The following PLXDC2 variants were observed in gnomAD, a reference collection of about 807,000 sequenced individuals.
PLXDC2 encodes plexin domain containing 2.
In PLXDC2, 40 loss-of-function variants were observed where a neutral mutation model predicts 68.9. The ratio of observed to expected loss-of-function variants is 0.58; its 90% confidence interval spans 0.45 to 0.76. PLXDC2 has a LOEUF of 0.76. Ranked by LOEUF, PLXDC2 falls within the 30% of genes least tolerant of loss-of-function variation. The pLI is 0.00. For synonymous variants in PLXDC2, 243 were observed against 234.2 expected (o/e 1.04, Z -0.34); for missense variants, 644 against 661.9 (o/e 0.97, Z 0.30).
In PLXDC2 at chr10:20,284,983, C is replaced by G. The variant is rs1836133248; in HGVS notation, c.*5164C>G. ...TTTCTCCTCTCTCCACCCCTGCCCC[C>G]ATCTGTGGCCATCTAAGTTAGCAAT... On this transcript the variant is annotated 3_prime_UTR_variant, in exon 14 of 14. Coordinates refer to ENST00000377252, the MANE Select transcript of PLXDC2 (RefSeq NM_032812.9). The G allele has an allele frequency of 6.6e-6, 1 of 152,146 alleles. No homozygotes were observed. The highest frequency in any genetic ancestry group is 1.5e-5 in the Non-Finnish European group (1 of 68,036). 9.4% of individuals were successfully genotyped at this position (152,146 alleles called of 1,614,324 possible).
chr10:20,167,084 G>A (rs1349401387), intron 7 of PLXDC2, among the ~76,000 whole-genome samples: 1 of 151,854 alleles, frequency 6.6e-6, no homozygotes, highest in Admixed American at 6.6e-5. Flanking sequence ...TCCATCCTGA[G>A]AAAATTAGCC....
chr10:20,253,370 GATAATAATAATA>G (rs3051539), intron 13 of PLXDC2, among the ~76,000 whole-genome samples: 9 of 145,576 alleles, frequency 6.2e-5, no homozygotes, highest in African/African-American at 1.8e-4. Flanking sequence ...GTCTCAAAAT[GATAATAATAATA>G]ATAATAATAA....
At chr10:19,976,949 C>T (rs996835851) in intron 1 of PLXDC2, among the ~76,000 whole-genome samples, 1 of 149,724 alleles carries the variant, frequency 6.7e-6, no homozygotes, top group African/African-American at 2.5e-5. Flanking sequence ...GGAGTTATTT[C>T]CTCCTATTTT....
At chr10:20,043,708 T>C (rs1254332719) in intron 2 of PLXDC2, among the ~76,000 whole-genome samples, 1 of 152,124 alleles carries the variant, frequency 6.6e-6, no homozygotes, top group African/African-American at 2.4e-5. Flanking sequence ...GTAATAATAC[T>C]GTCAATAGGG....
At chr10:20,045,840 C>T (rs952550444) in intron 2 of PLXDC2, among the ~76,000 whole-genome samples, 2 of 152,106 alleles carry the variant, frequency 1.3e-5, no homozygotes, top group Non-Finnish European at 2.9e-5. Context: ...ACTAACTCCT[C>T]AAATTGATTT....
intron 4 of PLXDC2, among the ~76,000 whole-genome samples, chr10:20,090,862 A>G (rs1054958956): frequency 4.6e-5 from 7 of 152,192 alleles, no homozygotes; most frequent in African/African-American, 1.7e-4. Context: ...CTTTTAAACA[A>G]TATCATTAGT....
chr10:20,041,030 A>G lies in PLXDC2; in HGVS notation c.325-5839A>G, dbSNP rs1835672659. ...TTCTGATTTATAACCATAATAATGAAATGGTCATTTTTCCCTTTACATAAT... is the reference window on the plus strand; with the variant it reads ...TTCTGATTTATAACCATAATAATGAGATGGTCATTTTTCCCTTTACATAAT... On this transcript the variant is annotated intron_variant, in intron 2 of 13. Transcript: ENST00000377252. 2.6e-5 allele frequency among the ~76,000 whole-genome samples: 4 copies of G among 152,212 alleles called. No individual in the cohort carries two copies. The South Asian group carries it at 8.3e-4, about 32-fold the overall frequency.
At chr10:19,822,750 A>T (rs1836493980) in intron 1 of PLXDC2, among the ~76,000 whole-genome samples, 2 of 152,162 alleles carry the variant, frequency 1.3e-5, no homozygotes, top group African/African-American at 4.8e-5. Context: ...GGACCATGTC[A>T]TATGCCTGTT....
intron 4 of PLXDC2, among the ~76,000 whole-genome samples, chr10:20,093,674 G>T (rs1833310804): frequency 6.6e-6 from 1 of 152,102 alleles, no homozygotes; most frequent in Non-Finnish European, 1.5e-5. Context: ...AGTTTATCTT[G>T]TATTTATTTA....
At chr10:19,910,168 T>TTATA (rs3043811) in intron 1 of PLXDC2, among the ~76,000 whole-genome samples, 2,120 of 145,196 alleles carry the variant, frequency 0.015, 16 homozygotes, top group African/African-American at 0.028. Context: ...TTGTACACTT[T>TTATA]TATATATATA....
At chr10:19,841,594 A>G (rs1836909026) in intron 1 of PLXDC2, among the ~76,000 whole-genome samples, 1 of 134,692 alleles carries the variant, frequency 7.4e-6, no homozygotes, top group Non-Finnish European at 1.6e-5. Context: ...TCTTTTCCCC[A>G]TCTATTTTGG....
intron 1 of PLXDC2, among the ~76,000 whole-genome samples, chr10:19,848,664 C>A (rs1051137388): frequency 7.9e-5 from 12 of 152,118 alleles, no homozygotes; most frequent in Middle Eastern, 3.2e-3. Context: ...AAACATCTTC[C>A]ATGTAGGTTA....
rs751939976 is a variant in PLXDC2, at chr10:19,817,145, G to T, written c.66G>T (p.Thr22=). 5 of 1,576,472 alleles carry T rather than the reference G, an allele frequency of 3.2e-6. No homozygotes were observed. The highest frequency in any genetic ancestry group is 4.3e-6 in the Non-Finnish European group (5 of 1,157,936). The part of the protein sequence containing the change: ...AGVMLLCHFF[T]DQFQFADGKP... ...TTATGTTACTTTGCCACTTCTTCAC[G>T]GACCAGTTTCAGTTCGCCGATGGGA... Residue 22 remains threonine (T), a synonymous_variant, in exon 1 of 14, where the codon ACG becomes ACT. Coordinates refer to ENST00000377252, the MANE Select transcript of PLXDC2 (RefSeq NM_032812.9).
intron 1 of PLXDC2, among the ~76,000 whole-genome samples, chr10:19,897,844 T>G (rs1319008368): frequency 1.3e-5 from 2 of 152,176 alleles, no homozygotes; most frequent in Admixed American, 1.3e-4. Flanking sequence ...AATTTTCAGA[T>G]GTAATAACAT....
At chr10:20,014,223 TC>T (rs1835165023) in intron 2 of PLXDC2, among the ~76,000 whole-genome samples, 2 of 139,692 alleles carry the variant, frequency 1.4e-5, no homozygotes, top group Non-Finnish European at 3.1e-5. Flanking sequence ...CTTCCTTCCC[TC>T]CTTCCTTCCC....
chr10:19,865,356 CTT>C (rs1332480195), intron 1 of PLXDC2, among the ~76,000 whole-genome samples: 1 of 152,118 alleles, frequency 6.6e-6, no homozygotes, highest in African/African-American at 2.4e-5. Context: ...AAACTTGGCT[CTT>C]TGTTATTTTT....
At chr10:19,945,388 G>T (rs1381220939) in intron 1 of PLXDC2, among the ~76,000 whole-genome samples, 1 of 152,188 alleles carries the variant, frequency 6.6e-6, no homozygotes, top group African/African-American at 2.4e-5. Flanking sequence ...CCAAAGTCAT[G>T]CAGTCCTGCT....
At chr10:20,167,183 G>T (rs1834387202) in intron 7 of PLXDC2, among the ~76,000 whole-genome samples, 2 of 152,056 alleles carry the variant, frequency 1.3e-5, no homozygotes, top group South Asian at 4.1e-4. Context: ...GAATCAATAT[G>T]TTCTACTTAA....
intron 13 of PLXDC2, among the ~76,000 whole-genome samples, chr10:20,246,419 G>A (rs1421018506): frequency 6.6e-6 from 1 of 152,154 alleles, no homozygotes; most frequent in Non-Finnish European, 1.5e-5. Context: ...GTGCGATCTC[G>A]GCTCACTGCA....
Sources: allele counts gnomAD v4.1 joint callset (sites outside exome capture counted in the v4.1 genomes callset), GRCh38; gene constraint gnomAD v4.1.1; transcripts MANE v1.5; gene names NCBI Gene and HGNC (gene_info 2026-07-23, HGNC 2026-07-21).